LRRC8D: variants seen among roughly 807,000 people sequenced by gnomAD.
LRRC8D encodes the protein leucine rich repeat containing 8 VRAC subunit D.
A neutral mutation model predicts 55.8 loss-of-function variants in LRRC8D; 20 were observed. That is an observed-to-expected ratio of 0.36 (90% CI 0.25 to 0.52). The LOEUF (loss-of-function observed/expected upper bound fraction) is 0.52. LRRC8D is among the 20% of genes least tolerant of loss of function. The pLI is 0.93. For missense variants in LRRC8D, 651 were observed against 1,030.8 expected (o/e 0.63, Z 5.05); for synonymous variants, 352 against 377.0 (o/e 0.93, Z 0.77).
chr1:89,924,420 A>T (rs1221290523), intron 2 of LRRC8D, among the ~76,000 whole-genome samples: 2 of 152,234 alleles, frequency 1.3e-5, no homozygotes, highest in African/African-American at 2.4e-5. Context: ...AAAACACCAG[A>T]TGCTGGCAAG....
At position 89,911,328 on chromosome 1, in the gene LRRC8D, G is replaced by GA. The variant is rs969202579; in HGVS notation, c.-2-21735dup. Among the ~76,000 whole-genome samples the GA allele has an allele frequency of 2.0e-5, 3 of 152,070 alleles. No individual in the cohort carries two copies. The highest frequency in any genetic ancestry group is 6.5e-5 in the Admixed American group (1 of 15,270). ...TTAATGTTTACCAGTTTGCTGAAGG[G>GA]AAAATCAAACAACATATGTCCAAAC... On this transcript the variant is annotated intron_variant, in intron 2 of 2. Coordinates refer to ENST00000337338, the MANE Select transcript of LRRC8D (RefSeq NM_001134479.2). This position sits in a 1 kb window ranked among gnomAD's most constrained non-coding sequence, Gnocchi z 4.0.
chr1:89,899,380 G>A lies in LRRC8D; in HGVS notation c.-2-33687G>A, dbSNP rs375564780. On this transcript the variant is annotated intron_variant, in intron 2 of 2. Coordinates refer to ENST00000337338, the MANE Select transcript of LRRC8D (RefSeq NM_001134479.2). Reference sequence around the variant, plus strand: ...GCCACATCCAAGTTACTTCTAGTTCGCCAGCCATTGCTGCTGTGCCATGTC... The same window carrying A: ...GCCACATCCAAGTTACTTCTAGTTCACCAGCCATTGCTGCTGTGCCATGTC... Among the ~76,000 whole-genome samples the A allele has an allele frequency of 2.2e-4, 34 of 152,258 alleles. No individual in the cohort carries two copies. The East Asian group carries it at 3.9e-3, about 17-fold the overall frequency.
At chr1:89,889,245 C>T (rs865922933) in intron 2 of LRRC8D, among the ~76,000 whole-genome samples, 1 of 152,104 alleles carries the variant, frequency 6.6e-6, no homozygotes, top group Admixed American at 6.5e-5. Context: ...AGTTGGTGGT[C>T]ATTCTATAAA....
chr1:89,849,460 C>T (rs563154870), intron 2 of LRRC8D, among the ~76,000 whole-genome samples: 2 of 149,812 alleles, frequency 1.3e-5, no homozygotes, highest in Admixed American at 6.7e-5. Context: ...TAGTTGCCAA[C>T]TTTATATCTC....
chr1:89,835,750 T>C (rs1354935959), intron 1 of LRRC8D, among the ~76,000 whole-genome samples: 1 of 152,244 alleles, frequency 6.6e-6, no homozygotes, highest in Admixed American at 6.5e-5. Context: ...GGATGGTTTA[T>C]ATAAAATGCT....
At chr1:89,889,080 C>G (rs1301417376) in intron 2 of LRRC8D, among the ~76,000 whole-genome samples, 2 of 152,158 alleles carry the variant, frequency 1.3e-5, no homozygotes, top group African/African-American at 2.4e-5. Flanking sequence ...AAATACTGCT[C>G]TAGTCTGGTG....
rs896189892 is a variant in LRRC8D at position 89,916,465 on chromosome 1, G to A, written c.-2-16602G>A. Among the ~76,000 whole-genome samples, 5 of 152,108 alleles carry A rather than the reference G, an allele frequency of 3.3e-5. No individual in the cohort carries two copies. In the East Asian group the frequency reaches 5.8e-4, roughly 18 times the overall value. On this transcript the variant is annotated intron_variant, in intron 2 of 2. Coordinates refer to ENST00000337338, the MANE Select transcript of LRRC8D (RefSeq NM_001134479.2). ...AATAAGGACTTGTTTGTATTACTTCGAAAGGCCAACCCTTTAGGGGAATTT... is the reference window on the plus strand; with the variant it reads ...AATAAGGACTTGTTTGTATTACTTCAAAAGGCCAACCCTTTAGGGGAATTT...
intron 1 of LRRC8D, 139 bp downstream of exon 1, chr1:89,821,430 G>A (rs996397636): frequency 1.3e-5 from 2 of 152,306 alleles, no homozygotes; most frequent in African/African-American, 4.8e-5. Flanking sequence ...GAACTCATTC[G>A]GGGACGTCCG....
At chr1:89,831,768 G>A (rs1037674635) in intron 1 of LRRC8D, among the ~76,000 whole-genome samples, 1 of 152,144 alleles carries the variant, frequency 6.6e-6, no homozygotes, top group Non-Finnish European at 1.5e-5. Flanking sequence ...AGAAGACTAG[G>A]GAGTGAGATA....
At chr1:89,877,926 C>T (rs1033707786) in intron 2 of LRRC8D, among the ~76,000 whole-genome samples, 1 of 152,198 alleles carries the variant, frequency 6.6e-6, no homozygotes, top group African/African-American at 2.4e-5. Context: ...TCAGAATCTC[C>T]TAACATGAGT....
At chr1:89,888,256 A>G (rs1297546067) in intron 2 of LRRC8D, among the ~76,000 whole-genome samples, 1 of 152,206 alleles carries the variant, frequency 6.6e-6, no homozygotes, top group African/African-American at 2.4e-5. Context: ...GTTGTTTCCC[A>G]TGAGGATATA....
At chr1:89,871,385 G>C (rs902112802) in intron 2 of LRRC8D, among the ~76,000 whole-genome samples, 3 of 152,166 alleles carry the variant, frequency 2.0e-5, no homozygotes, top group African/African-American at 7.2e-5. Flanking sequence ...ACACACACAA[G>C]CACTTTTTTG....
chr1:89,891,211 T>C (rs4658342), intron 2 of LRRC8D, among the ~76,000 whole-genome samples: 1 of 152,132 alleles, frequency 6.6e-6, no homozygotes, highest in African/African-American at 2.4e-5. Context: ...ATCAACACTT[T>C]GGAAGCATAC....
intron 2 of LRRC8D, among the ~76,000 whole-genome samples, chr1:89,909,617 A>G (rs1663080015): frequency 6.6e-6 from 1 of 152,186 alleles, no homozygotes; most frequent in Non-Finnish European, 1.5e-5. Context: ...CTGTAATCCC[A>G]GCACTTTGGG....
At chr1:89,821,357 G>C (rs1460767714) in intron 1 of LRRC8D, 66 bp downstream of exon 1, 2 of 152,136 alleles carry the variant, frequency 1.3e-5, no homozygotes, top group Non-Finnish European at 1.5e-5. Context: ...AGGTGGAGCC[G>C]CGCCGAGCCG....
rs1414266348 is a variant in LRRC8D at position 89,935,687 on chromosome 1, C to G, written c.*42C>G. On this transcript the variant is annotated 3_prime_UTR_variant, in exon 3 of 3. Transcript: ENST00000337338. The stretch of plus-strand genomic sequence containing the variant: ...CACAGTGATGTGCAGGAACAACTTC[C>G]TAGATTGCAAGTGCTCACGTACAAG... 6.4e-7 allele frequency: 1 copy of G among 1,561,834 alleles called. No individual in the cohort carries two copies. The highest frequency in any genetic ancestry group is 1.4e-5 in the African/African-American group (1 of 73,776).
In LRRC8D at chr1:89,934,460, T is replaced by C. The variant is rs376420261; in HGVS notation, c.1392T>C (p.Ile464=). 2 of 1,614,138 alleles carry C rather than the reference T, an allele frequency of 1.2e-6. No homozygotes were observed. The highest frequency in any genetic ancestry group is 1.7e-6 in the Non-Finnish European group (2 of 1,180,022). The change falls in exon 3 of 3, where the codon ATT becomes ATC. Residue 464 remains isoleucine (I), a synonymous_variant. Coordinates refer to ENST00000337338, the MANE Select transcript of LRRC8D (RefSeq NM_001134479.2). This position sits in a 1 kb window ranked among gnomAD's most constrained non-coding sequence, Gnocchi z 5.9. Reference sequence around the variant, plus strand: ...CATTTGAAAAACTCAGGCAGCACATTTCACGCAACGCCCAGGACAAGCAGG... The same window carrying C: ...CATTTGAAAAACTCAGGCAGCACATCTCACGCAACGCCCAGGACAAGCAGG... ...EWTFEKLRQH[I]SRNAQDKQEL... is the part of the protein sequence containing the mutation.
intron 2 of LRRC8D, among the ~76,000 whole-genome samples, chr1:89,900,581 G>A (rs1393978561): frequency 1.3e-5 from 2 of 152,078 alleles, no homozygotes; most frequent in Non-Finnish European, 2.9e-5. Flanking sequence ...TACCACTTGA[G>A]GTGAACATCG....
chr1:89,921,552 G>GT (rs963677852), intron 2 of LRRC8D, among the ~76,000 whole-genome samples: 1 of 151,532 alleles, frequency 6.6e-6, no homozygotes, highest in Non-Finnish European at 1.5e-5. Flanking sequence ...GTTTTGTTTT[G>GT]TTTTTTGAGA....
Sources: gnomAD v4.1 joint callset for allele counts (sites outside exome capture counted in the v4.1 genomes callset) on GRCh38, gnomAD v4.1.1 for gene constraint, Gnocchi (gnomAD v3.1) non-coding constraint, MANE v1.5 for transcripts, NCBI Gene and HGNC (gene_info 2026-07-23, HGNC 2026-07-21) for gene names.